The following FMN2 variants were observed in gnomAD, a reference collection of about 807,000 sequenced individuals.
FMN2 encodes formin-2.
Under a neutral mutation model 142.3 loss-of-function variants are expected in FMN2, and 51 were observed. That is an observed-to-expected ratio of 0.36 (90% confidence interval 0.29 to 0.45). FMN2 has a LOEUF of 0.45. FMN2 is among the 20% of genes least tolerant of loss of function. FMN2 has a pLI of 1.00. For synonymous variants in FMN2, 882 were observed against 869.8 expected, an observed-to-expected ratio of 1.01 and a Z score of -0.25; for missense variants, 1,936 against 2,122.8, an observed-to-expected ratio of 0.91 and a Z score of 1.73.
chr1:240,366,980 ATCT>A lies in FMN2; in HGVS notation c.4858+11076_4858+11078del, dbSNP rs537672749. On this transcript the variant is annotated intron_variant, in intron 14 of 17. Coordinates refer to ENST00000319653, the MANE Select transcript of FMN2 (RefSeq NM_020066.5). ...GTTTGCTGAGGTGTGGGACAAGTGA[ATCT>A]TCTGCCTCGGAGGTAAAGTCAAAGT... 1.7e-3 allele frequency among the ~76,000 whole-genome samples: 252 copies of A among 152,300 alleles called. 1 individual carries two copies. The highest frequency in any genetic ancestry group is 0.014 in the Middle Eastern group (4 of 294).
intron 14 of FMN2, among the ~76,000 whole-genome samples, chr1:240,368,652 G>A (rs1672761007): frequency 6.6e-6 from 1 of 151,562 alleles, no homozygotes; most frequent in South Asian, 2.1e-4. Flanking sequence ...TATTTGCTAT[G>A]TAGTTTCTTT....
chr1:240,143,399 C>A, intron 2 of FMN2: 1 of 1,428,886 alleles, frequency 7.0e-7, no homozygotes, highest in South Asian at 1.2e-5. Context: ...ATCTCCCCCA[C>A]AGCAATAAGG....
rs528260990 is a variant in FMN2 at position 240,093,371 on chromosome 1, C to A, written c.1262C>A (p.Thr421Asn). The A allele has an allele frequency of 7.4e-6, 12 of 1,613,338 alleles. No homozygotes were observed. In the East Asian group the frequency reaches 2.7e-4, roughly 36 times the overall value. ...YPLITPCYIKTTTRQLSSPNH... is the reference protein window; with the variant it reads ...YPLITPCYIKNTTRQLSSPNH... ...CTCATCACCCCCTGCTACATCAAGA[C>A]CACCACCCGGCAGCTCAGCTCGCCC... Residue 421 changes from threonine (T) to asparagine (N), a missense_variant, in exon 1 of 18, where the codon ACC becomes AAC. This residue lies in a region of FMN2 where 751 missense variants were observed against 791.8 expected (regional missense o/e 0.95). Coordinates refer to ENST00000319653, the MANE Select transcript of FMN2 (RefSeq NM_020066.5).
intron 8 of FMN2, among the ~76,000 whole-genome samples, chr1:240,302,284 C>T (rs1670227286): frequency 6.6e-6 from 1 of 151,772 alleles, no homozygotes; most frequent in Non-Finnish European, 1.5e-5. Context: ...TTAAAAGGCA[C>T]CTACACACAT....
At chr1:240,403,237 T>C (rs1414296265) in intron 15 of FMN2, among the ~76,000 whole-genome samples, 3 of 152,234 alleles carry the variant, frequency 2.0e-5, no homozygotes, top group African/African-American at 7.2e-5. Flanking sequence ...TTAAAGCAAT[T>C]GTTTTCTAGG....
chr1:240,440,802 G>C (rs1265957243), intron 16 of FMN2, among the ~76,000 whole-genome samples: 2 of 152,066 alleles, frequency 1.3e-5, no homozygotes, highest in Admixed American at 6.6e-5. Context: ...GAACAACTCT[G>C]TTCCTTTCCT....
chr1:240,266,437 A>G (rs1312244917), intron 7 of FMN2, among the ~76,000 whole-genome samples: 1 of 151,750 alleles, frequency 6.6e-6, no homozygotes, highest in Non-Finnish European at 1.5e-5. Context: ...TGGATTCTCT[A>G]TTCTTTTCCA....
chr1:240,092,952 G>A lies in FMN2; in HGVS notation c.843G>A (p.Glu281=), dbSNP rs868406353. The change falls in exon 1 of 18, where the codon GAG becomes GAA. Residue 281 remains glutamate (E), a synonymous_variant. Coordinates refer to ENST00000319653, the MANE Select transcript of FMN2 (RefSeq NM_020066.5). ...TGTCCGCGCTCTCCGACCTGCCCGA[G>A]AGCCTGGCCGCCGAGCCCCGGGAGC... The part of the protein sequence containing the change: ...QALSALSDLP[E]SLAAEPREPQ... The A allele has an allele frequency of 2.1e-6, 3 of 1,422,556 alleles. No homozygotes were observed. Among genetic ancestry groups the A allele is most frequent in the South Asian group, 3.0e-5 (2 of 67,420 alleles). The allele number at this position is 1,422,556 out of a possible 1,614,324, so 88.1% of individuals were successfully genotyped here.
chr1:240,181,561 T>C (rs746269134), intron 3 of FMN2, among the ~76,000 whole-genome samples: 5 of 152,118 alleles, frequency 3.3e-5, no homozygotes, highest in Non-Finnish European at 7.3e-5. Flanking sequence ...CACCAGTGAG[T>C]TGCAGATTCC....
At chr1:240,439,144 G>T (rs547335914) in intron 16 of FMN2, among the ~76,000 whole-genome samples, 1 of 151,796 alleles carries the variant, frequency 6.6e-6, no homozygotes. Flanking sequence ...ATTGTGGTGG[G>T]CACCTGTAAT....
chr1:240,397,687 G>C (rs528221826), intron 15 of FMN2, among the ~76,000 whole-genome samples: 1 of 150,660 alleles, frequency 6.6e-6, no homozygotes, highest in Admixed American at 6.7e-5. Context: ...CTATTCAGAA[G>C]GCTGAGGCAT....
chr1:240,127,563 G>A (rs1008294972), intron 2 of FMN2, among the ~76,000 whole-genome samples: 4 of 151,786 alleles, frequency 2.6e-5, no homozygotes, highest in Non-Finnish European at 5.9e-5. Context: ...CCGCAGTCTC[G>A]ATCTCCTGGG....
At chr1:240,457,597 G>GGTTT (rs1676297868) in intron 16 of FMN2, 1 of 152,120 alleles carries the variant, frequency 6.6e-6, no homozygotes, top group African/African-American at 2.4e-5. Context: ...TATGGGAGGT[G>GGTTT]GTTTATTTTA....
chr1:240,450,961 A>G (rs1043052484), intron 16 of FMN2, among the ~76,000 whole-genome samples: 1 of 152,228 alleles, frequency 6.6e-6, no homozygotes, highest in African/African-American at 2.4e-5. Context: ...TAACAGGACA[A>G]CAGAGGTATC....
At chr1:240,173,155 C>T (rs747406640) in intron 2 of FMN2, among the ~76,000 whole-genome samples, 44 of 152,066 alleles carry the variant, frequency 2.9e-4, no homozygotes, top group Non-Finnish European at 5.6e-4. Context: ...AGGCTGGTCT[C>T]GAACTCCTGA....
At chr1:240,161,603 A>G (rs1664285563) in intron 2 of FMN2, among the ~76,000 whole-genome samples, 1 of 152,200 alleles carries the variant, frequency 6.6e-6, no homozygotes, top group Non-Finnish European at 1.5e-5. Flanking sequence ...TGCAACAGTA[A>G]TTAAGCATTC....
At position 240,474,405 on chromosome 1, in the gene FMN2, T is replaced by C; in HGVS notation, c.*251T>C. On this transcript the variant is annotated 3_prime_UTR_variant, in exon 18 of 18. Coordinates refer to ENST00000319653, the MANE Select transcript of FMN2 (RefSeq NM_020066.5). ...GTAAAAGTTTATGGTATTATACCGATAGACCAAAACAGCATGTGTAAGAGG... is the reference window on the plus strand; with the variant it reads ...GTAAAAGTTTATGGTATTATACCGACAGACCAAAACAGCATGTGTAAGAGG... 1 of 395,002 alleles carries C rather than the reference T, an allele frequency of 2.5e-6. No homozygotes were observed. Among genetic ancestry groups the C allele is most frequent in the Admixed American group, 4.7e-5 (1 of 21,348 alleles). 24.5% of individuals were successfully genotyped at this position (395,002 alleles called of 1,614,324 possible).
At chr1:240,222,125 C>T (rs1322206488) in intron 6 of FMN2, among the ~76,000 whole-genome samples, 1 of 150,724 alleles carries the variant, frequency 6.6e-6, no homozygotes, top group African/African-American at 2.4e-5. Context: ...GGTTTTAGGT[C>T]TTGTGTTTAA....
At chr1:240,235,570 C>A (rs1667681775) in intron 6 of FMN2, among the ~76,000 whole-genome samples, 1 of 148,924 alleles carries the variant, frequency 6.7e-6, no homozygotes, top group Non-Finnish European at 1.5e-5. Flanking sequence ...TGACACCATG[C>A]CTGGCTAATT....
Sources: allele counts gnomAD v4.1 joint callset (sites outside exome capture counted in the v4.1 genomes callset), GRCh38; gene constraint gnomAD v4.1.1; regional missense constraint gnomAD v4.1.1; transcripts MANE v1.5; gene names NCBI Gene and HGNC (gene_info 2026-07-23, HGNC 2026-07-21).